ICE2: variants seen among roughly 807,000 people sequenced by gnomAD.
ICE2 encodes the protein interactor of little elongation complex ELL subunit 2.
In ICE2, 87 loss-of-function variants were observed where a neutral mutation model predicts 105.4. The ratio of observed to expected loss-of-function variants is 0.83; its 90% CI spans 0.69 to 0.99. The LOEUF is 0.99. ICE2 is among the 50% of genes least tolerant of loss of function. The pLI, the probability that ICE2 is intolerant of heterozygous loss-of-function variation, is 0.00. For synonymous variants in ICE2, 399 were observed against 392.0 expected (o/e 1.02, Z -0.21); for missense variants, 1,323 against 1,146.7 (o/e 1.15, Z -2.22).
At position 60,474,929 on chromosome 15, in the gene ICE2, G is replaced by A. The variant is rs535912059; in HGVS notation, c.146+1134C>T. 4.4e-4 allele frequency among the ~76,000 whole-genome samples: 67 copies of A among 152,094 alleles called. 1 individual carries two copies. The highest frequency in any genetic ancestry group is 1.4e-3 in the African/African-American group (60 of 41,448). ...TGAAGCCAGGAGTTCAAGATCAACCGGGGCAACACAGCAAGACCATGTCTC... is the reference window on the plus strand; with the variant it reads ...TGAAGCCAGGAGTTCAAGATCAACCAGGGCAACACAGCAAGACCATGTCTC... On this transcript the variant is annotated intron_variant, in intron 3 of 15. Coordinates refer to ENST00000261520, the MANE Select transcript of ICE2 (RefSeq NM_024611.6).
intron 15 of ICE2, 138 bp downstream of exon 15, chr15:60,428,291 C>T: frequency 5.1e-6 from 5 of 982,568 alleles, no homozygotes; most frequent in Non-Finnish European, 7.5e-6. Flanking sequence ...CAACTTTATC[C>T]TTCCTATGGA....
Position 60,455,376 on chromosome 15 carries a change from C to T in ICE2, c.733G>A (p.Asp245Asn), listed in dbSNP as rs367746784. 7.4e-5 allele frequency: 120 copies of T among 1,613,750 alleles called. No homozygotes were observed. Among genetic ancestry groups the T allele is most frequent in the Non-Finnish European group, 9.2e-5 (109 of 1,179,946 alleles). Reference sequence around the variant, plus strand: ...TCTGACGTTTCAATGGTAGCTATATCGTCCTTTGACAGCTGCAACTTTATA... The same window carrying T: ...TCTGACGTTTCAATGGTAGCTATATTGTCCTTTGACAGCTGCAACTTTATA... ...MPIKLQLSKD[D>N]IATIETSEQT... The change falls in exon 7 of 16, where the codon GAT (aspartate) becomes AAT (asparagine). Residue 245 changes from aspartate (D) to asparagine (N), a missense_variant. Physicochemically the swap from Asp to Asn is conservative, Grantham distance 23. Transcript: ENST00000261520.
chr15:60,471,941 T>C (rs1215543143), intron 3 of ICE2, among the ~76,000 whole-genome samples: 1 of 152,154 alleles, frequency 6.6e-6, no homozygotes, highest in Non-Finnish European at 1.5e-5. Context: ...TTGATTTATT[T>C]TCCTAAGTTA....
At chr15:60,462,584 C>A (rs1053692803) in intron 5 of ICE2, among the ~76,000 whole-genome samples, 2 of 152,026 alleles carry the variant, frequency 1.3e-5, no homozygotes, top group Non-Finnish European at 2.9e-5. Flanking sequence ...AGGAGAAAAA[C>A]TGCAACATAC....
At chr15:60,426,325 C>A (rs754770135) in intron 15 of ICE2, among the ~76,000 whole-genome samples, 19 of 152,130 alleles carry the variant, frequency 1.2e-4, no homozygotes, top group African/African-American at 1.9e-4. Flanking sequence ...CAGTGTATTA[C>A]AACGGCATAC....
At chr15:60,424,422 G>GGGCAAAGGGGAAGAGGGGGATTAGAGTC (rs1278588145) in intron 15 of ICE2, among the ~76,000 whole-genome samples, 35 of 151,594 alleles carry the variant, frequency 2.3e-4, no homozygotes, top group African/African-American at 8.5e-4. Flanking sequence ...TACAGAGGAT[G>GGGCAAAGGGGAAGAGGGGGATTAGAGTC]GGGGAAGGAA....
At position 60,454,872 on chromosome 15, in the gene ICE2, C is replaced by T. The variant is rs570903253; in HGVS notation, c.943+131G>A. On this transcript the variant is annotated intron_variant, in intron 8 of 15. Transcript: ENST00000261520. ...TCTCACCTTGCCCCCCACCCCCTGA[C>T]AGGCCCCGGTGTGTGTTGTTTCACT... 1.1e-5 allele frequency: 8 copies of T among 750,170 alleles called. No individual in the cohort carries two copies. In the South Asian group the frequency reaches 1.4e-4, roughly 13 times the overall value. 46.5% of individuals were successfully genotyped at this position (750,170 alleles called of 1,614,324 possible).
intron 5 of ICE2, among the ~76,000 whole-genome samples, chr15:60,461,645 G>A (rs1261954240): frequency 1.3e-5 from 2 of 152,118 alleles, no homozygotes; most frequent in African/African-American, 4.8e-5. Context: ...TATTAATATT[G>A]TTATTTTGAG....
At position 60,447,967 on chromosome 15, in the gene ICE2, T is replaced by G; in HGVS notation, c.2295+3A>C. ...TATTCTAACTCCGCAAATAACAACT[T>G]ACTCTTCTGATTTTCTTCCGTTTTT... On this transcript the variant is annotated splice_donor_region_variant and intron_variant, in intron 11 of 15. Transcript: ENST00000261520. 1 of 1,606,320 alleles carries G rather than the reference T, an allele frequency of 6.2e-7. No individual in the cohort carries two copies. The highest frequency in any genetic ancestry group is 1.1e-5 in the South Asian group (1 of 89,412).
At chr15:60,436,433 ATTCATTCTAAAAT>A (rs745476668) in intron 12 of ICE2, among the ~76,000 whole-genome samples, 16 of 150,448 alleles carry the variant, frequency 1.1e-4, no homozygotes, top group Non-Finnish European at 1.9e-4. Context: ...AAACATTTAT[ATTCATTCTAAAAT>A]ATTTGCTGAA....
At position 60,421,469 on chromosome 15, in the gene ICE2, A is replaced by C. The variant is rs995467954; in HGVS notation, c.*2165T>G. 6.6e-6 allele frequency: 1 copy of C among 152,222 alleles called. No individual in the cohort carries two copies. Among genetic ancestry groups the C allele is most frequent in the Non-Finnish European group, 1.5e-5 (1 of 68,030 alleles). The allele number at this position is 152,222 out of a possible 1,614,324, so 9.4% of individuals were successfully genotyped here. ...GTATGTTAAAAAAGGAGGCTTCACTAAGCACAAGCAAAAAACTACCTTTAT... is the reference window on the plus strand; with the variant it reads ...GTATGTTAAAAAAGGAGGCTTCACTCAGCACAAGCAAAAAACTACCTTTAT... On this transcript the variant is annotated 3_prime_UTR_variant, in exon 16 of 16. Transcript: ENST00000261520.
In ICE2 at chr15:60,466,783, T is replaced by C. The variant is rs532949185; in HGVS notation, c.409-70A>G. 5.9e-5 allele frequency: 74 copies of C among 1,260,998 alleles called. No individual in the cohort carries two copies. In the East Asian group the frequency reaches 8.2e-4, roughly 14 times the overall value. 78.1% of individuals were successfully genotyped at this position (1,260,998 alleles called of 1,614,324 possible). A position where few individuals can be genotyped will look rare whatever the true frequency, so the allele number is the denominator to read the frequency against. On this transcript the variant is annotated intron_variant, in intron 4 of 15. Coordinates refer to ENST00000261520, the MANE Select transcript of ICE2 (RefSeq NM_024611.6). ...TTAAAAAGAATCACATTCTTAATCATTGCTATAATAATTTGGACTTAAAGA... is the reference window on the plus strand; with the variant it reads ...TTAAAAAGAATCACATTCTTAATCACTGCTATAATAATTTGGACTTAAAGA...
At chr15:60,468,001 G>A in intron 4 of ICE2, 60 bp downstream of exon 4, 1 of 1,390,776 alleles carries the variant, frequency 7.2e-7, no homozygotes, top group Non-Finnish European at 9.6e-7. Context: ...GTAAATTTAA[G>A]ATAAAAATAT....
At chr15:60,424,247 T>C (rs943163303) in intron 15 of ICE2, among the ~76,000 whole-genome samples, 13 of 145,886 alleles carry the variant, frequency 8.9e-5, no homozygotes, top group East Asian at 4.1e-4. Flanking sequence ...GGAAAGAAAA[T>C]TGAGGAAAGA....
At chr15:60,428,394 A>G (rs1001324638) in intron 15 of ICE2, 35 bp downstream of exon 15, 1 of 1,593,584 alleles carries the variant, frequency 6.3e-7, no homozygotes, top group South Asian at 1.1e-5. Context: ...ATAATAAACA[A>G]CCTAATGAAC....
intron 11 of ICE2, chr15:60,447,471 A>G (rs1455531988): frequency 1.3e-5 from 2 of 152,264 alleles, no homozygotes. Context: ...GAATATTTAC[A>G]TATACATAAT....
intron 3 of ICE2, among the ~76,000 whole-genome samples, chr15:60,471,208 G>C (rs2064584445): frequency 6.6e-6 from 1 of 152,086 alleles, no homozygotes; most frequent in Non-Finnish European, 1.5e-5. Context: ...ATTAAAATTA[G>C]GATGCTTAGG....
At chr15:60,456,597 ACACACACACACACT>A (rs1472543505) in intron 6 of ICE2, 46 bp downstream of exon 6, 3 of 597,056 alleles carry the variant, frequency 5.0e-6, no homozygotes, top group Non-Finnish European at 8.4e-6. Context: ...ACACACACAC[ACACACACACACACT>A]ATTTCAGACA....
chr15:60,476,287 A>G, intron 2 of ICE2, 120 bp from the exon 3 acceptor site: 1 of 636,284 alleles, frequency 1.6e-6, no homozygotes, highest in Non-Finnish European at 2.8e-6. Context: ...ATCCCCAGAC[A>G]ATCTCTTCTT....
Sources: gnomAD v4.1 joint callset for allele counts (sites outside exome capture counted in the v4.1 genomes callset) on GRCh38, gnomAD v4.1.1 for gene constraint, MANE v1.5 for transcripts, NCBI Gene and HGNC (gene_info 2026-07-23, HGNC 2026-07-21) for gene names.